The following SHC3 variants were observed in gnomAD, a reference collection of about 807,000 sequenced individuals.
SHC3 encodes the protein SHC adaptor protein 3.
SHC3 carries 15 observed loss-of-function variants against 60.4 expected under a neutral mutation model. The observed-to-expected ratio is 0.25, with a 90% CI of 0.17 to 0.38. The LOEUF is 0.38. Ranked by LOEUF, SHC3 falls within the 10% of genes least tolerant of loss-of-function variation. The pLI, the probability that SHC3 is intolerant of heterozygous loss-of-function variation, is 1.00. For missense variants in SHC3, 677 were observed against 786.1 expected (o/e 0.86, Z 1.66); for synonymous variants, 294 against 325.9 (o/e 0.90, Z 1.05).
intron 1 of SHC3, among the ~76,000 whole-genome samples, chr9:89,174,650 C>T (rs1208535356): frequency 6.6e-6 from 1 of 152,202 alleles, no homozygotes; most frequent in Non-Finnish European, 1.5e-5. Flanking sequence ...CTTTTGAAGT[C>T]TGTGCTGTGA....
intron 6 of SHC3, among the ~76,000 whole-genome samples, chr9:89,054,499 C>T (rs1448923893): frequency 6.6e-6 from 1 of 152,328 alleles, no homozygotes; most frequent in Middle Eastern, 3.4e-3. Context: ...GGTATTTCTT[C>T]TGAGAGTATT....
intron 1 of SHC3, among the ~76,000 whole-genome samples, chr9:89,115,008 T>C (rs570211146): frequency 6.6e-6 from 1 of 152,246 alleles, no homozygotes; most frequent in South Asian, 2.1e-4. Flanking sequence ...CCAACAACAC[T>C]ACTGTCACAG....
Position 89,178,604 on chromosome 9 carries a change from A to G in SHC3, c.-144T>C, listed in dbSNP as rs923131532. 14 of 650,634 alleles carry G rather than the reference A, an allele frequency of 2.2e-5. No homozygotes were observed. Among genetic ancestry groups the G allele is most frequent in the Non-Finnish European group, 3.3e-5 (14 of 427,732 alleles). The allele number at this position is 650,634 out of a possible 1,614,324, so 40.3% of individuals were successfully genotyped here. On this transcript the variant is annotated 5_prime_UTR_variant, in exon 1 of 12. Transcript: ENST00000375835. The surrounding 1 kb of genome is among the most constrained non-coding windows in gnomAD (Gnocchi z 6.9). ...GGACAGCCTTCTGGAGAACGAGAGC[A>G]GAGCAAGAGGATGGTGCCCTCCCAC...
chr9:89,122,939 C>G (rs187465710), intron 1 of SHC3, among the ~76,000 whole-genome samples: 25 of 152,310 alleles, frequency 1.6e-4, no homozygotes, highest in Admixed American at 1.6e-3. Flanking sequence ...TATGGCAAGT[C>G]AACTGGCAAG....
chr9:89,037,281 C>T lies in SHC3; in HGVS notation c.1656+712G>A, dbSNP rs12338554. The T allele has an allele frequency of 1.7e-3, 897 of 535,158 alleles. 7 individuals carry two copies. Among genetic ancestry groups the T allele is most frequent in the African/African-American group, 0.016 (821 of 51,968 alleles). 33.2% of individuals were successfully genotyped at this position (535,158 alleles called of 1,614,324 possible). On this transcript the variant is annotated intron_variant, in intron 11 of 11. Coordinates refer to ENST00000375835, the MANE Select transcript of SHC3 (RefSeq NM_016848.6). ...TCAGAAAATGCAATGTTCTTAACTC[C>T]TATTAAATAACTCTACCCTGCTTTG...
chr9:89,069,665 A>G (rs1564117959), intron 5 of SHC3, among the ~76,000 whole-genome samples: 1 of 152,232 alleles, frequency 6.6e-6, no homozygotes, highest in Non-Finnish European at 1.5e-5. Context: ...AGATGGGGTC[A>G]CTGAGAAGCA....
chr9:89,125,907 G>A (rs982149867), intron 1 of SHC3, among the ~76,000 whole-genome samples: 5 of 152,138 alleles, frequency 3.3e-5, no homozygotes, highest in African/African-American at 1.2e-4. Flanking sequence ...AGTAGCTCTT[G>A]GGGCTGCTCC....
rs568471374 is a variant in SHC3, at chr9:89,098,031, A to T, written c.545+14525T>A. Among the ~76,000 whole-genome samples, 6 of 152,360 alleles carry T rather than the reference A, an allele frequency of 3.9e-5. No homozygotes were observed. The South Asian group carries it at 1.2e-3, about 32-fold the overall frequency. On this transcript the variant is annotated intron_variant, in intron 2 of 11. Coordinates refer to ENST00000375835, the MANE Select transcript of SHC3 (RefSeq NM_016848.6). Reference sequence around the variant, plus strand: ...ATCATCAATATTGGGCCACAGTGACATCATGTACCTCCATGATAATGCACT... The same window carrying T: ...ATCATCAATATTGGGCCACAGTGACTTCATGTACCTCCATGATAATGCACT...
chr9:89,177,313 C>T (rs1029916779), intron 1 of SHC3, among the ~76,000 whole-genome samples: 1 of 152,196 alleles, frequency 6.6e-6, no homozygotes, highest in Non-Finnish European at 1.5e-5. Flanking sequence ...CGCCCTAGTT[C>T]CCTTTTAGCA....
chr9:89,020,948 TG>T (rs1279961487), intron 11 of SHC3, among the ~76,000 whole-genome samples: 1 of 152,104 alleles, frequency 6.6e-6, no homozygotes, highest in Non-Finnish European at 1.5e-5. Flanking sequence ...GTGGCACACA[TG>T]GGCCTCATGA....
intron 1 of SHC3, among the ~76,000 whole-genome samples, chr9:89,172,514 C>T (rs763167379): frequency 6.6e-6 from 1 of 151,934 alleles, no homozygotes; most frequent in Non-Finnish European, 1.5e-5. Flanking sequence ...CCCCATCACA[C>T]ACACACAGAC....
chr9:89,083,388 G>A (rs900702182), intron 2 of SHC3, among the ~76,000 whole-genome samples: 2 of 152,208 alleles, frequency 1.3e-5, no homozygotes, highest in African/African-American at 2.4e-5. Flanking sequence ...GACAGTGGAC[G>A]TGCAGGAGCG....
At chr9:89,162,345 C>G (rs1481399258) in intron 1 of SHC3, among the ~76,000 whole-genome samples, 1 of 152,094 alleles carries the variant, frequency 6.6e-6, no homozygotes, top group Non-Finnish European at 1.5e-5. Context: ...TCAAACTATA[C>G]TACAAGGCTA....
intron 7 of SHC3, among the ~76,000 whole-genome samples, chr9:89,051,080 A>G (rs2117921441): frequency 6.6e-6 from 1 of 152,318 alleles, no homozygotes; most frequent in Middle Eastern, 3.4e-3. Flanking sequence ...GTCTCTTTGA[A>G]GAACGGCAAA....
chr9:89,160,541 T>G (rs541802224), intron 1 of SHC3, among the ~76,000 whole-genome samples: 1 of 152,328 alleles, frequency 6.6e-6, no homozygotes, highest in South Asian at 2.1e-4. Flanking sequence ...AAAAAATACT[T>G]GTTGATCCAT....
intron 1 of SHC3, among the ~76,000 whole-genome samples, chr9:89,158,062 C>A (rs1025200025): frequency 6.6e-6 from 1 of 151,100 alleles, no homozygotes; most frequent in African/African-American, 2.4e-5. Flanking sequence ...TTGCTTTAAC[C>A]CTTTTTTTTA....
chr9:89,027,994 T>C (rs1826349614), intron 11 of SHC3, among the ~76,000 whole-genome samples: 1 of 152,184 alleles, frequency 6.6e-6, no homozygotes, highest in Admixed American at 6.5e-5. Context: ...GGAAGAAGTC[T>C]AGGGAACATT....
intron 2 of SHC3, chr9:89,109,556 C>T (rs998625018): frequency 1.0e-6 from 1 of 985,484 alleles, no homozygotes; most frequent in Non-Finnish European, 1.2e-6. Context: ...TTTTGCCAAG[C>T]CTTCCAAGTG....
At chr9:89,120,201 C>A (rs1037334983) in intron 1 of SHC3, among the ~76,000 whole-genome samples, 1 of 151,908 alleles carries the variant, frequency 6.6e-6, no homozygotes, top group African/African-American at 2.4e-5. Context: ...TATAACAAGA[C>A]CTAAAACTCA....
Sources: gnomAD v4.1 joint callset for allele counts (sites outside exome capture counted in the v4.1 genomes callset) on GRCh38, gnomAD v4.1.1 for gene constraint, Gnocchi (gnomAD v3.1) non-coding constraint, MANE v1.5 for transcripts, NCBI Gene and HGNC (gene_info 2026-07-23, HGNC 2026-07-21) for gene names.